RAB10: variants seen among roughly 807,000 people sequenced by gnomAD.
The protein encoded by RAB10 is ras-related protein Rab-10.
RAB10 carries 5 observed loss-of-function variants against 25.7 expected under a neutral mutation model. That is an observed-to-expected ratio of 0.19 (90% CI 0.10 to 0.41). RAB10 has a LOEUF of 0.41. RAB10 is among the 10% of genes least tolerant of loss of function. The probability of loss-of-function intolerance (pLI) is 1.00; values close to 1 mark genes in which losing one functional copy is unlikely to be tolerated. For synonymous variants in RAB10, 89 were observed against 86.4 expected, an observed-to-expected ratio of 1.03 and a Z score of -0.16; for missense variants, 103 against 245.8, an observed-to-expected ratio of 0.42 and a Z score of 3.89.
intron 5 of RAB10, among the ~76,000 whole-genome samples, chr2:26,133,937 G>C (rs1471690029): frequency 1.3e-5 from 2 of 152,206 alleles, no homozygotes; most frequent in Non-Finnish European, 2.9e-5. Flanking sequence ...GCCTCCCAAA[G>C]TGCTGGGATT....
chr2:26,069,832 A>C (rs1329606650), intron 1 of RAB10, among the ~76,000 whole-genome samples: 1 of 151,848 alleles, frequency 6.6e-6, no homozygotes, highest in African/African-American at 2.4e-5. Flanking sequence ...CAGCCTCCCA[A>C]GTAGCTGGGA....
chr2:26,116,338 AT>A (rs960096097), intron 3 of RAB10, among the ~76,000 whole-genome samples: 2 of 151,700 alleles, frequency 1.3e-5, no homozygotes, highest in African/African-American at 4.8e-5. Context: ...CTTAATATAC[AT>A]TTTTTTCAAC....
rs934746300 is a variant in RAB10, at chr2:26,059,938, A to C, written c.127+25203A>C. ...AAATTATGTGGGTTTTTTTTACCAC[A>C]ATAAAAATATTAAAAGATTGTCATA... is the stretch of plus-strand genomic sequence containing the variant. On this transcript the variant is annotated intron_variant, in intron 1 of 5. Transcript: ENST00000264710. Among the ~76,000 whole-genome samples, 3 of 152,216 alleles carry C rather than the reference A, an allele frequency of 2.0e-5. 1 individual carries two copies. The highest frequency in any genetic ancestry group is 4.4e-5 in the Non-Finnish European group (3 of 68,032).
intron 1 of RAB10, among the ~76,000 whole-genome samples, chr2:26,070,842 C>G (rs963521935): frequency 6.6e-6 from 1 of 152,154 alleles, no homozygotes; most frequent in African/African-American, 2.4e-5. Context: ...TGGTTTTCAA[C>G]ATGTGGATCC....
At position 26,134,866 on chromosome 2, in the gene RAB10, T is replaced by C. The variant is rs1454622330; in HGVS notation, c.520-72T>C. ...TGTTGTATAAATTGACATAAGAATA[T>C]TCCTGTTGAATCGTGATTTTATCCA... On this transcript the variant is annotated intron_variant, in intron 5 of 5. Transcript: ENST00000264710. 14 of 1,211,308 alleles carry C rather than the reference T, an allele frequency of 1.2e-5. 1 individual carries two copies. In the South Asian group the frequency reaches 1.7e-4, roughly 15 times the overall value. The allele number at this position is 1,211,308 out of a possible 1,614,324, so 75.0% of individuals were successfully genotyped here.
chr2:26,077,148 C>A (rs1666754678), intron 1 of RAB10, among the ~76,000 whole-genome samples: 1 of 152,090 alleles, frequency 6.6e-6, no homozygotes, highest in African/African-American at 2.4e-5. Flanking sequence ...ATAATTCAGA[C>A]ATGATTGTGT....
chr2:26,135,750 C>T lies in RAB10; in HGVS notation c.*729C>T, dbSNP rs1213154148. On this transcript the variant is annotated 3_prime_UTR_variant, in exon 6 of 6. Transcript: ENST00000264710. ...CCTTGATATTTAAAACTATTCCTGC[C>T]ACCATTTCTTCTCCTTGGCCACTTC... The T allele has an allele frequency of 6.6e-6, 1 of 152,586 alleles. No individual in the cohort carries two copies. The highest frequency in any genetic ancestry group is 1.5e-5 in the Non-Finnish European group (1 of 68,060). 9.5% of individuals were successfully genotyped at this position (152,586 alleles called of 1,614,324 possible). A position where few individuals can be genotyped will look rare whatever the true frequency, so the allele number is the denominator to read the frequency against.
chr2:26,034,365 C>G lies in RAB10; in HGVS notation c.-244C>G, dbSNP rs1397904759. On this transcript the variant is annotated 5_prime_UTR_variant, in exon 1 of 6. Coordinates refer to ENST00000264710, the MANE Select transcript of RAB10 (RefSeq NM_016131.5). ...AGGCCATTTTGTCCCGACCGACTCC[C>G]CGGAACCGGGCGGACGGGCTGGGAG... The G allele has an allele frequency of 1.7e-6, 1 of 594,762 alleles. No individual in the cohort carries two copies. Among genetic ancestry groups the G allele is most frequent in the Non-Finnish European group, 3.0e-6 (1 of 335,524 alleles). The allele number at this position is 594,762 out of a possible 1,614,324, so 36.8% of individuals were successfully genotyped here.
intron 1 of RAB10, among the ~76,000 whole-genome samples, chr2:26,084,944 G>A (rs1666945442): frequency 6.6e-6 from 1 of 152,162 alleles, no homozygotes; most frequent in Admixed American, 6.5e-5. Flanking sequence ...ATTTAGGAAT[G>A]TGTATATTGC....
chr2:26,049,223 G>T (rs1407358188), intron 1 of RAB10, among the ~76,000 whole-genome samples: 4 of 142,774 alleles, frequency 2.8e-5, no homozygotes, highest in South Asian at 2.3e-4. Context: ...AGGGATGTCT[G>T]ATTGCTCCCG....
At chr2:26,082,587 G>A (rs886717136) in intron 1 of RAB10, among the ~76,000 whole-genome samples, 1 of 152,104 alleles carries the variant, frequency 6.6e-6, no homozygotes, top group Non-Finnish European at 1.5e-5. Context: ...GATAGAATAA[G>A]TAGACATATA....
intron 1 of RAB10, among the ~76,000 whole-genome samples, chr2:26,057,646 G>A (rs957494473): frequency 2.4e-4 from 4 of 16,538 alleles, no homozygotes; most frequent in African/African-American, 5.2e-4. Context: ...ATTCAGAGAC[G>A]GGGTCTCACT....
At chr2:26,127,370 T>G in intron 4 of RAB10, 137 bp downstream of exon 4, 1 of 687,272 alleles carries the variant, frequency 1.5e-6, no homozygotes, top group East Asian at 3.1e-5. Flanking sequence ...GAAATAATAT[T>G]TTATCATTTG....
At chr2:26,092,042 C>T (rs1302796460) in intron 1 of RAB10, among the ~76,000 whole-genome samples, 11 of 151,688 alleles carry the variant, frequency 7.3e-5, no homozygotes, top group Non-Finnish European at 1.2e-4. Context: ...TGTGGTGGTG[C>T]GTGCCTGTAG....
chr2:26,058,005 TAAATG>T lies in RAB10; in HGVS notation c.127+23271_127+23275del, dbSNP rs1385575742. Among the ~76,000 whole-genome samples the T allele has an allele frequency of 3.3e-5, 5 of 152,288 alleles. No homozygotes were observed. In the East Asian group the frequency reaches 9.7e-4, roughly 29 times the overall value. On this transcript the variant is annotated intron_variant, in intron 1 of 5. Coordinates refer to ENST00000264710, the MANE Select transcript of RAB10 (RefSeq NM_016131.5). ...CCTACTTTGAAAAAATTGATTGAAT[TAAATG>T]GAAAGATGTGAACTGTAGTACAGAG...
At chr2:26,111,320 C>G (rs982550902) in intron 3 of RAB10, among the ~76,000 whole-genome samples, 2 of 152,058 alleles carry the variant, frequency 1.3e-5, no homozygotes, top group African/African-American at 4.8e-5. Flanking sequence ...ATACACAGAT[C>G]TTGGCTGGGC....
chr2:26,132,361 C>A (rs1668026941), intron 5 of RAB10, among the ~76,000 whole-genome samples: 1 of 152,206 alleles, frequency 6.6e-6, no homozygotes, highest in Non-Finnish European at 1.5e-5. Context: ...TCAAGAGATT[C>A]TCCTGCCTCA....
chr2:26,111,893 C>T (rs1667580500), intron 3 of RAB10, among the ~76,000 whole-genome samples: 2 of 152,168 alleles, frequency 1.3e-5, no homozygotes, highest in Admixed American at 6.5e-5. Context: ...GTCCTGGGTC[C>T]CCAGGCTTAC....
Position 26,109,923 on chromosome 2 carries a change from G to C in RAB10, c.327+17G>C. ...ATAGATGAGGTAAGACCTAGAACTT[G>C]TATAAACCCTTCATGAACACACATT... On this transcript the variant is annotated intron_variant, in intron 3 of 5. Coordinates refer to ENST00000264710, the MANE Select transcript of RAB10 (RefSeq NM_016131.5). The C allele has an allele frequency of 1.3e-6, 2 of 1,564,630 alleles. No homozygotes were observed. Among genetic ancestry groups the C allele is most frequent in the Non-Finnish European group, 1.7e-6 (2 of 1,159,266 alleles).
Sources: gnomAD v4.1 joint callset for allele counts (sites outside exome capture counted in the v4.1 genomes callset) on GRCh38, gnomAD v4.1.1 for gene constraint, MANE v1.5 for transcripts, NCBI Gene and HGNC (gene_info 2026-07-23, HGNC 2026-07-21) for gene names.